Variants in PTPRM observed in about 807,000 individuals in gnomAD.
The protein encoded by PTPRM is protein tyrosine phosphatase receptor type M.
PTPRM carries 47 observed loss-of-function variants against 186.7 expected under a neutral mutation model. That is an observed-to-expected ratio of 0.25 (90% CI 0.20 to 0.32). PTPRM has a LOEUF of 0.32. Ranked by LOEUF, PTPRM falls within the 10% of genes least tolerant of loss-of-function variation. The probability of loss-of-function intolerance (pLI) is 1.00; values close to 1 mark genes in which losing one functional copy is unlikely to be tolerated. For synonymous variants in PTPRM, 668 were observed against 674.9 expected (o/e 0.99, Z 0.16); for missense variants, 1,494 against 1,865.0 (o/e 0.80, Z 3.66).
intron 1 of PTPRM, among the ~76,000 whole-genome samples, chr18:7,646,702 C>G (rs1230704881): frequency 6.6e-6 from 1 of 152,182 alleles, no homozygotes; most frequent in Non-Finnish European, 1.5e-5. Flanking sequence ...TAGCACCTGT[C>G]TTACCTGAGC....
At chr18:8,042,551 T>C (rs1158219249) in intron 7 of PTPRM, among the ~76,000 whole-genome samples, 1 of 152,176 alleles carries the variant, frequency 6.6e-6, no homozygotes, top group Non-Finnish European at 1.5e-5. Context: ...TCTATTCTTT[T>C]TAAATGCTTT....
At chr18:8,393,621 T>A (rs1401990665) in intron 31 of PTPRM, among the ~76,000 whole-genome samples, 2 of 152,238 alleles carry the variant, frequency 1.3e-5, no homozygotes, top group Non-Finnish European at 2.9e-5. Context: ...GTTTGCATAA[T>A]GCGCTGTGGG....
At chr18:8,374,161 T>A (rs2095681202) in intron 24 of PTPRM, among the ~76,000 whole-genome samples, 1 of 152,212 alleles carries the variant, frequency 6.6e-6, no homozygotes, top group South Asian at 2.1e-4. Flanking sequence ...GGAGGTTTAA[T>A]TTTGAGAAAT....
At chr18:7,614,347 AG>A (rs2037751303) in intron 1 of PTPRM, among the ~76,000 whole-genome samples, 1 of 152,190 alleles carries the variant, frequency 6.6e-6, no homozygotes, top group Non-Finnish European at 1.5e-5. Context: ...AAACTGAAAA[AG>A]ATGCTAGAAG....
At chr18:8,260,869 C>T (rs1348291991) in intron 19 of PTPRM, among the ~76,000 whole-genome samples, 2 of 152,204 alleles carry the variant, frequency 1.3e-5, no homozygotes, top group East Asian at 1.9e-4. Context: ...TGGGCTCCCC[C>T]TTGTTGGGAG....
At chr18:8,275,817 C>G (rs1030304577) in intron 19 of PTPRM, among the ~76,000 whole-genome samples, 1 of 152,120 alleles carries the variant, frequency 6.6e-6, no homozygotes, top group Admixed American at 6.5e-5. Flanking sequence ...TGTCTCTGAT[C>G]GATTCAGTCA....
At chr18:8,155,181 AT>A (rs1233319436) in intron 14 of PTPRM, 1 of 152,180 alleles carries the variant, frequency 6.6e-6, no homozygotes, top group African/African-American at 2.4e-5. Context: ...AAATACCTGT[AT>A]TTTTAACATT....
intron 2 of PTPRM, among the ~76,000 whole-genome samples, chr18:7,883,743 AT>A (rs1235064391): frequency 6.6e-6 from 1 of 152,230 alleles, no homozygotes; most frequent in Non-Finnish European, 1.5e-5. Flanking sequence ...CTCAGTACTA[AT>A]GTTCTTCTCT....
intron 23 of PTPRM, among the ~76,000 whole-genome samples, chr18:8,345,354 C>T (rs112109283): frequency 1.3e-5 from 2 of 152,054 alleles, no homozygotes; most frequent in Admixed American, 1.3e-4. Context: ...TAACATGGAC[C>T]TCTGGCAACA....
chr18:7,831,976 A>T (rs1444026924), intron 2 of PTPRM, among the ~76,000 whole-genome samples: 1 of 152,198 alleles, frequency 6.6e-6, no homozygotes, highest in Non-Finnish European at 1.5e-5. Context: ...TTTATGGCTG[A>T]ATAGTACTCC....
intron 4 of PTPRM, among the ~76,000 whole-genome samples, chr18:7,907,169 T>C (rs2050027666): frequency 1.3e-5 from 2 of 152,370 alleles, no homozygotes; most frequent in Middle Eastern, 6.8e-3. Context: ...TTTGTCATAT[T>C]TGTATGTGAA....
intron 3 of PTPRM, among the ~76,000 whole-genome samples, chr18:7,889,314 A>G (rs2048939419): frequency 6.7e-6 from 1 of 149,026 alleles, no homozygotes; most frequent in Non-Finnish European, 1.5e-5. Flanking sequence ...GGGGTTTGCA[A>G]ATATATTTTC....
chr18:7,709,795 A>T (rs1248698721), intron 1 of PTPRM, among the ~76,000 whole-genome samples: 1 of 152,150 alleles, frequency 6.6e-6, no homozygotes, highest in African/African-American at 2.4e-5. Flanking sequence ...CAAACTATAA[A>T]ATCTAGAGGA....
intron 2 of PTPRM, among the ~76,000 whole-genome samples, chr18:7,854,456 G>C (rs1028526324): frequency 6.6e-6 from 1 of 152,112 alleles, no homozygotes; most frequent in Non-Finnish European, 1.5e-5. Flanking sequence ...ATTTAGTGTG[G>C]AATGAAATGG....
At chr18:7,570,645 C>G (rs920910196) in intron 1 of PTPRM, among the ~76,000 whole-genome samples, 7 of 152,084 alleles carry the variant, frequency 4.6e-5, no homozygotes, top group African/African-American at 1.4e-4. Context: ...TCTCTTTAGG[C>G]CAATGGACTA....
chr18:8,054,831 A>G (rs1011718256), intron 7 of PTPRM, among the ~76,000 whole-genome samples: 1 of 152,018 alleles, frequency 6.6e-6, no homozygotes, highest in Non-Finnish European at 1.5e-5. Context: ...TAGTAAGTTC[A>G]CTCAGGTACA....
intron 29 of PTPRM, among the ~76,000 whole-genome samples, chr18:8,383,212 C>T (rs1039478953): frequency 2.9e-5 from 4 of 137,788 alleles, no homozygotes; most frequent in East Asian, 2.3e-4. Flanking sequence ...GCAAAAGAAT[C>T]GCTTGAACCC....
At chr18:8,158,893 G>A (rs1403479924) in intron 14 of PTPRM, among the ~76,000 whole-genome samples, 2 of 152,112 alleles carry the variant, frequency 1.3e-5, no homozygotes, top group Admixed American at 1.3e-4. Context: ...AAGGGATGGT[G>A]TTAAACCATT....
intron 19 of PTPRM, among the ~76,000 whole-genome samples, chr18:8,269,783 G>A (rs1039624520): frequency 6.6e-5 from 10 of 151,978 alleles, no homozygotes; most frequent in Non-Finnish European, 1.3e-4. Flanking sequence ...ACACGATGGG[G>A]AAAGGATAAT....
Sources: allele counts gnomAD v4.1 joint callset (sites outside exome capture counted in the v4.1 genomes callset), GRCh38; gene constraint gnomAD v4.1.1; transcripts MANE v1.5; gene names NCBI Gene and HGNC (gene_info 2026-07-23, HGNC 2026-07-21).